The following NBEA variants were observed in gnomAD, a reference collection of about 807,000 sequenced individuals.
NBEA encodes neurobeachin.
Under a neutral mutation model 343.4 loss-of-function variants are expected in NBEA, and 44 were observed. The ratio of observed to expected loss-of-function variants is 0.13; its 90% CI spans 0.10 to 0.16. NBEA has a LOEUF of 0.16. Ranked by LOEUF, NBEA falls within the 10% of genes least tolerant of loss-of-function variation. The probability of loss-of-function intolerance (pLI) is 1.00; values close to 1 mark genes in which losing one functional copy is unlikely to be tolerated. For synonymous variants in NBEA, 1,175 were observed against 1,238.7 expected, an observed-to-expected ratio of 0.95 and a Z score of 1.08; for missense variants, 2,555 against 3,631.3, an observed-to-expected ratio of 0.70 and a Z score of 7.62.
At chr13:35,189,216 G>C (rs1276968025) in intron 30 of NBEA, among the ~76,000 whole-genome samples, 1 of 152,022 alleles carries the variant, frequency 6.6e-6, no homozygotes, top group African/African-American at 2.4e-5. Context: ...ACTGCACCTG[G>C]CCACATTTTC....
At chr13:35,503,399 A>G (rs2076962065) in intron 41 of NBEA, among the ~76,000 whole-genome samples, 1 of 151,886 alleles carries the variant, frequency 6.6e-6, no homozygotes, top group Non-Finnish European at 1.5e-5. Context: ...TGTAACCCAC[A>G]TTATTCACAC....
Position 35,171,544 on chromosome 13 carries a change from G to T in NBEA, c.4423+92G>T, listed in dbSNP as rs1411882190. ...GGTACATAAAATATTAATGATATAAGTTGATGATTATATAATATGGAGATT... is the reference window on the plus strand; with the variant it reads ...GGTACATAAAATATTAATGATATAATTTGATGATTATATAATATGGAGATT... On this transcript the variant is annotated intron_variant, in intron 26 of 58. Coordinates refer to ENST00000379939, the MANE Select transcript of NBEA (RefSeq NM_001385012.1). 3.0e-6 allele frequency: 3 copies of T among 984,794 alleles called. No homozygotes were observed. In the East Asian group the frequency reaches 7.6e-5, roughly 25 times the overall value. The allele number at this position is 984,794 out of a possible 1,614,324, so 61.0% of individuals were successfully genotyped here. A position where few individuals can be genotyped will look rare whatever the true frequency, so the allele number is the denominator to read the frequency against.
chr13:34,953,052 GATA>G (rs747191696), intron 1 of NBEA, among the ~76,000 whole-genome samples: 22 of 152,208 alleles, frequency 1.4e-4, no homozygotes, highest in Non-Finnish European at 3.2e-4. Flanking sequence ...CATTACCTTT[GATA>G]ATGATGATGA....
At chr13:34,976,490 G>T (rs2060179025) in intron 1 of NBEA, among the ~76,000 whole-genome samples, 1 of 151,806 alleles carries the variant, frequency 6.6e-6, no homozygotes, top group Non-Finnish European at 1.5e-5. Flanking sequence ...TCTGGTGATG[G>T]GTGCACCAAA....
chr13:35,230,735 C>A (rs1201146336), intron 33 of NBEA, among the ~76,000 whole-genome samples: 1 of 151,914 alleles, frequency 6.6e-6, no homozygotes, highest in Non-Finnish European at 1.5e-5. Context: ...GGTAGCCTTT[C>A]TTTTGCTTGC....
rs55928043 is a variant in NBEA, at chr13:35,646,242, C to A, written c.7681-17C>A. ...TGATGCATATTGATTATGACAATCA[C>A]CCTCCTTCCCCTGCAGGCCATGGAG... On this transcript the variant is annotated splice_polypyrimidine_tract_variant and intron_variant, in intron 50 of 58. Coordinates refer to ENST00000379939, the MANE Select transcript of NBEA (RefSeq NM_001385012.1). 63,312 of 1,580,250 alleles carry A rather than the reference C, an allele frequency of 0.04. 1,769 individuals are homozygous for A. Among genetic ancestry groups the A allele is most frequent in the South Asian group, 0.11 (9,878 of 89,422 alleles).
At chr13:35,491,563 A>C (rs2076500332) in intron 41 of NBEA, among the ~76,000 whole-genome samples, 1 of 151,816 alleles carries the variant, frequency 6.6e-6, no homozygotes, top group South Asian at 2.1e-4. Context: ...TTGCTTGTGT[A>C]CCCAATATCC....
At chr13:35,473,682 C>T (rs1036744956) in intron 41 of NBEA, among the ~76,000 whole-genome samples, 2 of 152,036 alleles carry the variant, frequency 1.3e-5, no homozygotes, top group Non-Finnish European at 2.9e-5. Flanking sequence ...TTGTGTTCAT[C>T]CTTTTATTAG....
intron 48 of NBEA, among the ~76,000 whole-genome samples, chr13:35,625,463 A>T (rs1249676024): frequency 6.6e-6 from 1 of 152,022 alleles, no homozygotes; most frequent in African/African-American, 2.4e-5. Context: ...CAATACAAAA[A>T]TACAAAAATT....
intron 41 of NBEA, among the ~76,000 whole-genome samples, chr13:35,541,267 T>C (rs2078809576): frequency 6.6e-6 from 1 of 151,736 alleles, no homozygotes; most frequent in Non-Finnish European, 1.5e-5. Flanking sequence ...ACTTCCTTTT[T>C]CCCCACTCCC....
At chr13:35,169,462 C>G (rs905999857) in intron 25 of NBEA, among the ~76,000 whole-genome samples, 1 of 151,192 alleles carries the variant, frequency 6.6e-6, no homozygotes, top group African/African-American at 2.4e-5. Flanking sequence ...TTAATTTTTT[C>G]AGTCAAAAAA....
At chr13:35,593,225 G>T in intron 46 of NBEA, 103 bp from the exon 47 acceptor site, 1 of 1,325,068 alleles carries the variant, frequency 7.5e-7, no homozygotes, top group Admixed American at 2.2e-5. Context: ...ACCCTGATCT[G>T]CCTCCACATC....
intron 49 of NBEA, among the ~76,000 whole-genome samples, chr13:35,640,502 T>A (rs377070266): frequency 9.2e-5 from 14 of 152,210 alleles, no homozygotes; most frequent in African/African-American, 2.2e-4. Flanking sequence ...CCATGCACGG[T>A]GGCCCTGACC....
intron 41 of NBEA, among the ~76,000 whole-genome samples, chr13:35,523,208 C>G (rs1204413084): frequency 6.6e-6 from 1 of 152,088 alleles, no homozygotes; most frequent in Non-Finnish European, 1.5e-5. Flanking sequence ...TTTAATCACT[C>G]TATTGTCCCC....
intron 58 of NBEA, 87 bp downstream of exon 58, chr13:35,668,606 T>G (rs1216605584): frequency 1.7e-5 from 22 of 1,279,620 alleles, no homozygotes; most frequent in Non-Finnish European, 2.1e-5. Flanking sequence ...GTGCTGTGAG[T>G]GCAATTCCAG....
rs554681316 is a variant in NBEA, at chr13:35,333,010, A to C, written c.5904-16098A>C. ...GCTGCCACCAGAAGTAAAGCAGAGA[A>C]TCTAGCCTGGAACTATCAGACTAAG... On this transcript the variant is annotated intron_variant, in intron 36 of 58. Coordinates refer to ENST00000379939, the MANE Select transcript of NBEA (RefSeq NM_001385012.1). 5.3e-4 allele frequency among the ~76,000 whole-genome samples: 80 copies of C among 152,250 alleles called. 1 individual carries two copies. Among genetic ancestry groups the C allele is most frequent in the African/African-American group, 1.8e-3 (76 of 41,578 alleles).
At chr13:35,148,262 A>T (rs2068559103) in intron 18 of NBEA, among the ~76,000 whole-genome samples, 1 of 152,326 alleles carries the variant, frequency 6.6e-6, no homozygotes, top group South Asian at 2.1e-4. Flanking sequence ...AGTTGCATGC[A>T]AGGGGGTTTA....
At chr13:35,565,728 GA>G (rs1226811593) in intron 44 of NBEA, among the ~76,000 whole-genome samples, 1 of 152,086 alleles carries the variant, frequency 6.6e-6, no homozygotes, top group East Asian at 1.9e-4. Context: ...TTCAGTTTAT[GA>G]GGGGGGGCCG....
intron 41 of NBEA, among the ~76,000 whole-genome samples, chr13:35,477,784 G>A (rs766573396): frequency 6.6e-6 from 1 of 152,150 alleles, no homozygotes; most frequent in Non-Finnish European, 1.5e-5. Flanking sequence ...AAATTAACTT[G>A]CAGTTATCTG....
Sources: gnomAD v4.1 joint callset for allele counts (sites outside exome capture counted in the v4.1 genomes callset) on GRCh38, gnomAD v4.1.1 for gene constraint, MANE v1.5 for transcripts, NCBI Gene and HGNC (gene_info 2026-07-23, HGNC 2026-07-21) for gene names.